The following RNF19A variants were observed in gnomAD, a reference collection of about 807,000 sequenced individuals.
The protein encoded by RNF19A is E3 ubiquitin-protein ligase RNF19A.
In RNF19A, 32 loss-of-function variants were observed where a neutral mutation model predicts 75.7. The observed-to-expected ratio is 0.42, with a 90% confidence interval of 0.32 to 0.57. RNF19A has a LOEUF of 0.57. Ranked by LOEUF, RNF19A falls within the 20% of genes least tolerant of loss-of-function variation. The pLI is 0.10. For missense variants in RNF19A, 782 were observed against 1,036.3 expected, an observed-to-expected ratio of 0.75 and a Z score of 3.37; for synonymous variants, 335 against 345.2, an observed-to-expected ratio of 0.97 and a Z score of 0.33.
Position 100,300,780 on chromosome 8 carries a change from G to A in RNF19A, c.-94+9087C>T, listed in dbSNP as rs189537592. On this transcript the variant is annotated intron_variant, in intron 1 of 9. Coordinates refer to ENST00000341084, the MANE Select transcript of RNF19A (RefSeq NM_183419.4). The stretch of plus-strand genomic sequence containing the variant: ...ATATTTAACTAGTCAACTCCTGGGA[G>A]ACAGTAATCCAAAGACTAATTTGAA... 5.3e-5 allele frequency: 8 copies of A among 152,288 alleles called. No individual in the cohort carries two copies. The East Asian group carries it at 1.2e-3, about 22-fold the overall frequency. 9.4% of individuals were successfully genotyped at this position (152,288 alleles called of 1,614,324 possible).
At position 100,261,746 on chromosome 8, in the gene RNF19A, G is replaced by T; in HGVS notation, c.1478C>A (p.Ser493Ter). 1 of 1,614,028 alleles carries T rather than the reference G, an allele frequency of 6.2e-7. No homozygotes were observed. Among genetic ancestry groups the T allele is most frequent in the South Asian group, 1.1e-5 (1 of 91,070 alleles). The change falls in exon 8 of 10, where the codon TCA becomes TAA. Residue 493 changes from serine to a stop codon, truncating the protein, a stop_gained. Coordinates refer to ENST00000341084, the MANE Select transcript of RNF19A (RefSeq NM_183419.4). LOFTEE classifies it high-confidence loss of function. This position sits in a 1 kb window ranked among gnomAD's most constrained non-coding sequence, Gnocchi z 4.4. Reference sequence around the variant, plus strand: ...TGGGTTGTGTCTTGCTTCTGCTACTGATGTTGTGTCTAAATGCAAATATTC... The same window carrying T: ...TGGGTTGTGTCTTGCTTCTGCTACTTATGTTGTGTCTAAATGCAAATATTC... The part of the protein sequence containing the change: ...GGTNTAVDTT[S>*]VAEARHNPSI...
chr8:100,271,584 C>T (rs553339080), intron 3 of RNF19A, among the ~76,000 whole-genome samples: 5 of 152,278 alleles, frequency 3.3e-5, no homozygotes, highest in African/African-American at 1.2e-4. Flanking sequence ...AAGGTAACAT[C>T]CCCATTTATT....
intron 1 of RNF19A, among the ~76,000 whole-genome samples, chr8:100,327,019 G>A (rs1235824980): frequency 6.6e-6 from 1 of 152,178 alleles, no homozygotes; most frequent in African/African-American, 2.4e-5. Context: ...CAGCAGATGT[G>A]TCAGCATTAC....
intron 2 of RNF19A, among the ~76,000 whole-genome samples, chr8:100,276,120 T>C (rs1220466585): frequency 6.6e-6 from 1 of 152,210 alleles, no homozygotes; most frequent in Non-Finnish European, 1.5e-5. Flanking sequence ...AACAAATGAA[T>C]ATTTGTGCTC....
Position 100,264,891 on chromosome 8 carries a change from C to A in RNF19A, c.1192-106G>T, listed in dbSNP as rs1023313792. The A allele has an allele frequency of 5.0e-6, 4 of 794,204 alleles. No homozygotes were observed. The South Asian group carries it at 6.5e-5, about 13-fold the overall frequency. 49.2% of individuals were successfully genotyped at this position (794,204 alleles called of 1,614,324 possible). The stretch of plus-strand genomic sequence containing the variant: ...GCTAAAGTGATTTTTCATAGAAGTT[C>A]GTAGCTGAGTATCTTAGTTCAAGGT... On this transcript the variant is annotated intron_variant, in intron 5 of 9. Coordinates refer to ENST00000341084, the MANE Select transcript of RNF19A (RefSeq NM_183419.4). This position sits in a 1 kb window ranked among gnomAD's most constrained non-coding sequence, Gnocchi z 4.7.
chr8:100,321,789 A>G (rs912991234), intron 1 of RNF19A, among the ~76,000 whole-genome samples: 3 of 152,204 alleles, frequency 2.0e-5, no homozygotes, highest in African/African-American at 4.8e-5. Context: ...AACAATATTA[A>G]TCTCCTTATA....
intron 1 of RNF19A, among the ~76,000 whole-genome samples, chr8:100,298,659 C>T (rs1461582102): frequency 2.0e-5 from 3 of 152,146 alleles, no homozygotes. Context: ...CACAAACACG[C>T]ACCTGCCACA....
At chr8:100,314,666 A>G (rs1216081107), upstream of RNF19A, among the ~76,000 whole-genome samples, 3 of 152,044 alleles carry the variant, frequency 2.0e-5, no homozygotes, top group Non-Finnish European at 4.4e-5. This position sits in a 1 kb window ranked among gnomAD's most constrained non-coding sequence, Gnocchi z 4.1. Context: ...AGATGCTACT[A>G]TGCCTAAAAT....
chr8:100,276,423 G>A (rs1322419535), intron 2 of RNF19A, among the ~76,000 whole-genome samples: 1 of 152,068 alleles, frequency 6.6e-6, no homozygotes, highest in Non-Finnish European at 1.5e-5. Flanking sequence ...GGACTGGGGA[G>A]GGGAAAGAGT....
At position 100,329,555 on chromosome 8, in the gene RNF19A, G is replaced by C. The variant is rs1227207939; in HGVS notation, c.-243+6553C>G. 6.6e-6 allele frequency among the ~76,000 whole-genome samples: 1 copy of C among 152,186 alleles called. No homozygotes were observed. The highest frequency in any genetic ancestry group is 6.5e-5 in the Admixed American group (1 of 15,280). ...GTCCCACTGAACTCAGCAATGGTCA[G>C]GCCTCATCTGGAGGCTTATATTTAA... On this transcript the variant is annotated intron_variant, in intron 1 of 3. Transcript: ENST00000519527. This position sits in a 1 kb window ranked among gnomAD's most constrained non-coding sequence, Gnocchi z 4.3.
Position 100,258,871 on chromosome 8 carries a change from A to T in RNF19A, c.2202T>A (p.Ser734=). 1 of 1,614,204 alleles carries T rather than the reference A, an allele frequency of 6.2e-7. No individual in the cohort carries two copies. Among genetic ancestry groups the T allele is most frequent in the Non-Finnish European group, 8.5e-7 (1 of 1,180,032 alleles). Residue 734 remains serine, a synonymous_variant, in exon 10 of 10, where the codon TCT becomes TCA. Transcript: ENST00000341084. This position sits in a 1 kb window ranked among gnomAD's most constrained non-coding sequence, Gnocchi z 4.3. ...AAGAAGTTTTCATGCTTTCTAGGTCAGAACAACTAAATTCAGAAAAATGAC... is the reference window on the plus strand; with the variant it reads ...AAGAAGTTTTCATGCTTTCTAGGTCTGAACAACTAAATTCAGAAAAATGAC... The part of the protein sequence containing the change: ...HSSHFSEFSC[S]DLESMKTSCS...
Position 100,258,475 on chromosome 8 carries a change from T to G in RNF19A, c.*81A>C, listed in dbSNP as rs1475877884. ...TGAAACCCGGCTTTTGCTGGTAACCTGAAACTTAAGTAGTCACATGTAGTT... is the reference window on the plus strand; with the variant it reads ...TGAAACCCGGCTTTTGCTGGTAACCGGAAACTTAAGTAGTCACATGTAGTT... On this transcript the variant is annotated 3_prime_UTR_variant, in exon 10 of 10. Coordinates refer to ENST00000341084, the MANE Select transcript of RNF19A (RefSeq NM_183419.4). This position sits in a 1 kb window ranked among gnomAD's most constrained non-coding sequence, Gnocchi z 4.3. 1 of 1,190,898 alleles carries G rather than the reference T, an allele frequency of 8.4e-7. No individual in the cohort carries two copies. The highest frequency in any genetic ancestry group is 1.2e-6 in the Non-Finnish European group (1 of 840,566). 73.8% of individuals were successfully genotyped at this position (1,190,898 alleles called of 1,614,324 possible).
upstream of RNF19A, chr8:100,310,096 T>C: frequency 1.0e-6 from 1 of 985,426 alleles, no homozygotes; most frequent in Non-Finnish European, 1.2e-6. Flanking sequence ...GCGCCGCAAC[T>C]ACCACCTCCC....
intron 2 of RNF19A, among the ~76,000 whole-genome samples, chr8:100,277,523 AG>A (rs1408238166): frequency 6.6e-6 from 1 of 152,182 alleles, no homozygotes. Flanking sequence ...CGTGTTAGCC[AG>A]GATGGTCTTG....
chr8:100,295,444 C>T (rs1334208696), intron 1 of RNF19A, among the ~76,000 whole-genome samples: 1 of 152,006 alleles, frequency 6.6e-6, no homozygotes, highest in Admixed American at 6.6e-5. Context: ...ATTCATTTTG[C>T]TCACTGGGCA....
At chr8:100,310,295 C>G (rs1822255649), upstream of RNF19A, 19 of 962,688 alleles carry the variant, frequency 2.0e-5, no homozygotes, top group Non-Finnish European at 2.3e-5. Context: ...GGAGCCGCCC[C>G]GCTGCACCCG....
chr8:100,295,562 C>T (rs1821516525), intron 1 of RNF19A, among the ~76,000 whole-genome samples: 2 of 151,854 alleles, frequency 1.3e-5, no homozygotes, highest in African/African-American at 4.8e-5. Context: ...GTTCCTAAGG[C>T]AATGAAAAAA....
rs775747518 is a variant in RNF19A, at chr8:100,331,268, T to G, written c.-243+4840A>C. Among the ~76,000 whole-genome samples, 12 of 152,228 alleles carry G rather than the reference T, an allele frequency of 7.9e-5. No homozygotes were observed. The highest frequency in any genetic ancestry group is 8.8e-5 in the Non-Finnish European group (6 of 68,032). ...CGTCCTTTTGAACCTTGATTTCACA[T>G]AATGTAGAAAAGCCATCGTCCTCTT... On this transcript the variant is annotated intron_variant, in intron 1 of 3. Transcript: ENST00000519527. This position sits in a 1 kb window ranked among gnomAD's most constrained non-coding sequence, Gnocchi z 5.2.
At chr8:100,319,396 T>G (rs1822431681) in intron 1 of RNF19A, among the ~76,000 whole-genome samples, 1 of 152,178 alleles carries the variant, frequency 6.6e-6, no homozygotes, top group African/African-American at 2.4e-5. Context: ...TTCTCATATT[T>G]GTATTATTAT....
Sources: gnomAD v4.1 joint callset for allele counts (sites outside exome capture counted in the v4.1 genomes callset) on GRCh38, gnomAD v4.1.1 for gene constraint, Gnocchi (gnomAD v3.1) non-coding constraint, MANE v1.5 for transcripts, NCBI Gene and HGNC (gene_info 2026-07-23, HGNC 2026-07-21) for gene names.